Variants in TIAM2 observed in about 807,000 individuals in gnomAD.
The protein encoded by TIAM2 is TIAM Rac1 associated GEF 2.
TIAM2 carries 80 observed loss-of-function variants against 152.9 expected under a neutral mutation model. The ratio of observed to expected loss-of-function variants is 0.52; its 90% confidence interval spans 0.44 to 0.63. The LOEUF (loss-of-function observed/expected upper bound fraction) is 0.63, where lower values mean the gene tolerates loss of function less well. Among genes scored for constraint, TIAM2 ranks in the 30% least tolerant of loss-of-function variants. The pLI, the probability that TIAM2 is intolerant of heterozygous loss-of-function variation, is 0.00. For synonymous variants in TIAM2, 804 were observed against 838.0 expected (o/e 0.96, Z 0.70); for missense variants, 1,965 against 2,120.1 (o/e 0.93, Z 1.44).
chr6:155,102,492 C>T (rs1778572747), intron 2 of TIAM2, among the ~76,000 whole-genome samples: 1 of 152,154 alleles, frequency 6.6e-6, no homozygotes, highest in African/African-American at 2.4e-5. Context: ...GATGTTTCCA[C>T]TATTCCCTTA....
rs574846900 is a variant in TIAM2 at position 155,213,974 on chromosome 6, A to G, written c.3168+2667A>G. Among the ~76,000 whole-genome samples the G allele has an allele frequency of 2.6e-4, 39 of 152,286 alleles. No individual in the cohort carries two copies. The South Asian group carries it at 6.8e-3, about 27-fold the overall frequency. ...CCTGTGGGGGCAATGGGTCCTTCCT[A>G]GGCCCCTGAGAGTGCAGAGATGTCT... On this transcript the variant is annotated intron_variant, in intron 15 of 26. Transcript: ENST00000682666. The surrounding 1 kb of genome is among the most constrained non-coding windows in gnomAD (Gnocchi z 4.2).
chr6:155,024,648 T>C (rs1161306588), intron 1 of TIAM2, among the ~76,000 whole-genome samples: 1 of 30,532 alleles, frequency 3.3e-5, no homozygotes, highest in East Asian at 1.4e-3. Flanking sequence ...TAAATCCATG[T>C]CTTTAAAAAA....
At chr6:155,003,446 CTT>C (rs1778347623) in intron 1 of TIAM2, among the ~76,000 whole-genome samples, 6 of 151,978 alleles carry the variant, frequency 3.9e-5, no homozygotes, top group African/African-American at 7.3e-5. Flanking sequence ...CACCACTGCA[CTT>C]CAGCCTAGGC....
chr6:155,086,715 A>AAG (rs1351065335), intron 1 of TIAM2, among the ~76,000 whole-genome samples: 5 of 150,948 alleles, frequency 3.3e-5, no homozygotes, highest in African/African-American at 9.8e-5. Flanking sequence ...TTGGAAAAAA[A>AAG]AAAAAAAAAC....
At chr6:155,207,188 A>C (rs554256724) in intron 14 of TIAM2, among the ~76,000 whole-genome samples, 1 of 152,330 alleles carries the variant, frequency 6.6e-6, no homozygotes, top group East Asian at 1.9e-4. Context: ...GCCTGTTTCA[A>C]ACAGCTTTGT....
At chr6:155,232,716 G>GT (rs1782536596) in intron 15 of TIAM2, 1 of 121,166 alleles carries the variant, frequency 8.3e-6, no homozygotes, top group African/African-American at 2.8e-5. Flanking sequence ...GGAGGGAGAG[G>GT]GATCTCCCGC....
At chr6:155,117,419 C>T (rs1014201241) in intron 2 of TIAM2, among the ~76,000 whole-genome samples, 2 of 152,216 alleles carry the variant, frequency 1.3e-5, no homozygotes, top group Non-Finnish European at 2.9e-5. Context: ...CTCTCATAAA[C>T]TTGATGCTGT....
intron 14 of TIAM2, among the ~76,000 whole-genome samples, chr6:155,184,130 A>G (rs898024297): frequency 1.3e-5 from 2 of 152,146 alleles, no homozygotes; most frequent in African/African-American, 4.8e-5. Context: ...CTGAGACTAC[A>G]AACGTGTACC....
At chr6:155,163,016 C>A (rs1349327664) in intron 7 of TIAM2, among the ~76,000 whole-genome samples, 1 of 152,124 alleles carries the variant, frequency 6.6e-6, no homozygotes, top group African/African-American at 2.4e-5. Context: ...CTGGGGAATG[C>A]CCAGAATTTG....
At chr6:155,222,592 C>T (rs1450826459) in intron 15 of TIAM2, among the ~76,000 whole-genome samples, 1 of 78,734 alleles carries the variant, frequency 1.3e-5, no homozygotes, top group Non-Finnish European at 2.6e-5. Context: ...CAGAGCAAGA[C>T]TCTGTTTCAA....
chr6:155,176,021 T>C (rs1054216676), intron 9 of TIAM2, among the ~76,000 whole-genome samples: 1 of 152,156 alleles, frequency 6.6e-6, no homozygotes, highest in Admixed American at 6.5e-5. Flanking sequence ...AAAACACAGA[T>C]AGTCTTAGAA....
intron 17 of TIAM2, among the ~76,000 whole-genome samples, chr6:155,244,384 T>C (rs1383465043): frequency 6.6e-6 from 1 of 152,266 alleles, no homozygotes; most frequent in African/African-American, 2.4e-5. Context: ...TAATTAGTTC[T>C]ACTGACTTAC....
At chr6:155,208,357 T>C (rs1280912254) in intron 14 of TIAM2, among the ~76,000 whole-genome samples, 1 of 152,182 alleles carries the variant, frequency 6.6e-6, no homozygotes, top group Non-Finnish European at 1.5e-5. Flanking sequence ...CTCTTGAGAA[T>C]CACCCCCTCC....
chr6:155,007,306 A>G (rs1461866385), intron 1 of TIAM2, among the ~76,000 whole-genome samples: 1 of 152,156 alleles, frequency 6.6e-6, no homozygotes, highest in Non-Finnish European at 1.5e-5. Context: ...TAGGCCAGTC[A>G]CATATAAATG....
intron 6 of TIAM2, among the ~76,000 whole-genome samples, chr6:155,146,258 G>A (rs1270205836): frequency 6.6e-6 from 1 of 152,140 alleles, no homozygotes; most frequent in East Asian, 1.9e-4. Context: ...GTGCGCACCT[G>A]TGGTCCCAGC....
chr6:154,995,393 A>T lies in TIAM2; in HGVS notation c.-308A>T, dbSNP rs1006789882. 2.0e-5 allele frequency: 3 copies of T among 150,834 alleles called. No individual in the cohort carries two copies. Among genetic ancestry groups the T allele is most frequent in the Non-Finnish European group, 4.4e-5 (3 of 67,548 alleles). 9.3% of individuals were successfully genotyped at this position (150,834 alleles called of 1,614,324 possible). Reference sequence around the variant, plus strand: ...AGTGGAGAACAAAGTGACCCCCAGAACTTCTCCAACTCCTCCCGGCGTTCC... The same window carrying T: ...AGTGGAGAACAAAGTGACCCCCAGATCTTCTCCAACTCCTCCCGGCGTTCC... On this transcript the variant is annotated 5_prime_UTR_variant, in exon 1 of 27. Coordinates refer to ENST00000682666, the MANE Select transcript of TIAM2 (RefSeq NM_012454.4). This position sits in a 1 kb window ranked among gnomAD's most constrained non-coding sequence, Gnocchi z 5.2.
intron 2 of TIAM2, among the ~76,000 whole-genome samples, chr6:155,112,942 C>T (rs993895112): frequency 1.3e-5 from 2 of 149,432 alleles, no homozygotes; most frequent in Admixed American, 6.7e-5. Flanking sequence ...TCCCCTGCAT[C>T]GTTCCGGTAG....
intron 1 of TIAM2, among the ~76,000 whole-genome samples, chr6:155,025,470 C>T (rs967062831): frequency 7.2e-5 from 11 of 151,882 alleles, no homozygotes; most frequent in African/African-American, 1.7e-4. Flanking sequence ...CATGAGCCAC[C>T]GCGCCCGGCC....
At chr6:155,050,974 C>T (rs548828824) in intron 1 of TIAM2, among the ~76,000 whole-genome samples, 7 of 152,238 alleles carry the variant, frequency 4.6e-5, no homozygotes, top group East Asian at 1.9e-4. Context: ...TATCAACTTC[C>T]GTTCTCTTCA....
Sources: allele counts gnomAD v4.1 joint callset (sites outside exome capture counted in the v4.1 genomes callset), GRCh38; gene constraint gnomAD v4.1.1; non-coding constraint Gnocchi (gnomAD v3.1); transcripts MANE v1.5; gene names NCBI Gene and HGNC (gene_info 2026-07-23, HGNC 2026-07-21).